Variants in ARHGAP15 observed in about 807,000 individuals in gnomAD.
The protein encoded by ARHGAP15 is rho GTPase-activating protein 15.
ARHGAP15 carries 51 observed loss-of-function variants against 63.7 expected under a neutral mutation model. The observed-to-expected ratio is 0.80, with a 90% CI of 0.64 to 1.01. The LOEUF is 1.01. Ranked by LOEUF, ARHGAP15 falls within the 50% of genes least tolerant of loss-of-function variation. ARHGAP15 has a pLI of 0.00. For synonymous variants in ARHGAP15, 191 were observed against 193.8 expected, an observed-to-expected ratio of 0.99 and a Z score of 0.12; for missense variants, 560 against 564.6, an observed-to-expected ratio of 0.99 and a Z score of 0.08.
chr2:143,740,922 GA>G (rs1195843449), intron 13 of ARHGAP15, among the ~76,000 whole-genome samples: 3 of 149,188 alleles, frequency 2.0e-5, no homozygotes, highest in African/African-American at 4.9e-5. Context: ...GTGGTTAATT[GA>G]AAAAAAAAGA....
intron 12 of ARHGAP15, among the ~76,000 whole-genome samples, chr2:143,683,221 A>T (rs1476942976): frequency 6.6e-6 from 1 of 152,190 alleles, no homozygotes; most frequent in African/African-American, 2.4e-5. Context: ...CGATCCTATT[A>T]TTCATTTAAA....
intron 12 of ARHGAP15, among the ~76,000 whole-genome samples, chr2:143,702,133 G>A (rs904603525): frequency 1.3e-5 from 2 of 152,146 alleles, no homozygotes; most frequent in Non-Finnish European, 2.9e-5. Flanking sequence ...TTATTTTCCA[G>A]CTGTGGCCTG....
intron 9 of ARHGAP15, among the ~76,000 whole-genome samples, chr2:143,516,544 TATA>T (rs766175716): frequency 1.9e-4 from 29 of 152,210 alleles, no homozygotes; most frequent in Admixed American, 6.5e-5. Context: ...ATTAGCCCCC[TATA>T]ATATTACAAA....
intron 6 of ARHGAP15, among the ~76,000 whole-genome samples, chr2:143,364,997 C>T (rs926999151): frequency 2.6e-5 from 4 of 151,426 alleles, no homozygotes; most frequent in African/African-American, 9.7e-5. Flanking sequence ...CAGAGCGAGA[C>T]TCTGTGTGGG....
At chr2:143,573,565 T>C (rs1299342697) in intron 11 of ARHGAP15, among the ~76,000 whole-genome samples, 1 of 152,212 alleles carries the variant, frequency 6.6e-6, no homozygotes, top group Non-Finnish European at 1.5e-5. Context: ...TGCAGTTGTT[T>C]AACAAGGATT....
intron 10 of ARHGAP15, among the ~76,000 whole-genome samples, chr2:143,527,085 A>G (rs1229975583): frequency 6.6e-6 from 1 of 152,154 alleles, no homozygotes; most frequent in Non-Finnish European, 1.5e-5. Flanking sequence ...TTCCTAAAGC[A>G]TGATGTTCTT....
At chr2:143,497,723 T>TGAGG (rs549424252) in intron 9 of ARHGAP15, among the ~76,000 whole-genome samples, 2 of 152,290 alleles carry the variant, frequency 1.3e-5, no homozygotes, top group East Asian at 3.9e-4. Flanking sequence ...GGTGGATAAC[T>TGAGG]GAGGGAGAAG....
intron 13 of ARHGAP15, among the ~76,000 whole-genome samples, chr2:143,737,223 A>G (rs1010831288): frequency 5.3e-5 from 8 of 152,222 alleles, no homozygotes; most frequent in African/African-American, 1.9e-4. Context: ...GTCAGCCAAG[A>G]GAGTTTCTAC....
At chr2:143,651,023 A>T (rs1329356561) in intron 12 of ARHGAP15, among the ~76,000 whole-genome samples, 1 of 151,958 alleles carries the variant, frequency 6.6e-6, no homozygotes, top group East Asian at 1.9e-4. Context: ...GTTCATACAT[A>T]AGACTGTCAA....
At chr2:143,553,660 T>C (rs1164283100) in intron 10 of ARHGAP15, among the ~76,000 whole-genome samples, 2 of 152,210 alleles carry the variant, frequency 1.3e-5, no homozygotes, top group Non-Finnish European at 2.9e-5. Flanking sequence ...TTTCCAATTG[T>C]TTATATGTGA....
chr2:143,152,152 C>A (rs1484439466), intron 1 of ARHGAP15, among the ~76,000 whole-genome samples: 1 of 151,920 alleles, frequency 6.6e-6, no homozygotes, highest in Non-Finnish European at 1.5e-5. Flanking sequence ...AATCATTCAG[C>A]CAGATGAAAG....
At chr2:143,648,542 C>A (rs1362848173) in intron 12 of ARHGAP15, among the ~76,000 whole-genome samples, 1 of 151,966 alleles carries the variant, frequency 6.6e-6, no homozygotes, top group Non-Finnish European at 1.5e-5. Context: ...CTTGACTGTT[C>A]ATGTCTACTA....
intron 6 of ARHGAP15, among the ~76,000 whole-genome samples, chr2:143,365,358 G>A (rs1558922658): frequency 6.6e-6 from 1 of 152,164 alleles, no homozygotes; most frequent in Non-Finnish European, 1.5e-5. Context: ...TGTTGCTTTA[G>A]GTCTTAGGGA....
At chr2:143,741,487 G>A (rs146261389) in intron 13 of ARHGAP15, among the ~76,000 whole-genome samples, 7 of 152,274 alleles carry the variant, frequency 4.6e-5, no homozygotes, top group Non-Finnish European at 1.0e-4. Flanking sequence ...GAAGAAGGAA[G>A]CATATGTTTT....
intron 12 of ARHGAP15, among the ~76,000 whole-genome samples, chr2:143,701,451 G>A (rs1200248530): frequency 1.3e-5 from 2 of 152,132 alleles, no homozygotes; most frequent in Non-Finnish European, 2.9e-5. Flanking sequence ...GAAACCCAGT[G>A]GGCCAGGCGT....
intron 9 of ARHGAP15, among the ~76,000 whole-genome samples, chr2:143,510,841 G>A (rs933309778): frequency 2.6e-5 from 4 of 152,204 alleles, no homozygotes; most frequent in African/African-American, 9.6e-5. Context: ...CCTTTTTGAA[G>A]TTTACTAGAA....
intron 8 of ARHGAP15, among the ~76,000 whole-genome samples, chr2:143,462,740 G>A (rs1327153780): frequency 6.6e-6 from 1 of 152,226 alleles, no homozygotes. Context: ...GGGTTCAACA[G>A]AGAAGCAGTA....
intron 1 of ARHGAP15, among the ~76,000 whole-genome samples, chr2:143,130,754 G>A (rs1688886790): frequency 6.6e-6 from 1 of 152,068 alleles, no homozygotes; most frequent in African/African-American, 2.4e-5. Context: ...TTTATTGTTA[G>A]CATGTAAGAA....
intron 2 of ARHGAP15, among the ~76,000 whole-genome samples, chr2:143,188,084 T>G (rs1325246559): frequency 6.6e-6 from 1 of 152,140 alleles, no homozygotes; most frequent in Non-Finnish European, 1.5e-5. Flanking sequence ...CTTCTTTTCT[T>G]TTTAAATATT....
Sources: allele counts gnomAD v4.1 joint callset (sites outside exome capture counted in the v4.1 genomes callset), GRCh38; gene constraint gnomAD v4.1.1; transcripts MANE v1.5; gene names NCBI Gene and HGNC (gene_info 2026-07-23, HGNC 2026-07-21).